Variants in EYA1 observed in about 807,000 individuals in gnomAD.
EYA1 encodes the protein protein phosphatase EYA1.
EYA1 carries 16 observed loss-of-function variants against 82.0 expected under a neutral mutation model. That is an observed-to-expected ratio of 0.20 (90% CI 0.13 to 0.30). EYA1 has a LOEUF of 0.30. Ranked by LOEUF, EYA1 falls within the 10% of genes least tolerant of loss-of-function variation. The probability of loss-of-function intolerance (pLI) is 1.00; values close to 1 mark genes in which losing one functional copy is unlikely to be tolerated. For synonymous variants in EYA1, 261 were observed against 264.4 expected (o/e 0.99, Z 0.12); for missense variants, 633 against 730.7 (o/e 0.87, Z 1.54).
rs1814255326 is a variant in EYA1, at chr8:71,531,296, A to T, written c.33+4448T>A. The T allele has an allele frequency of 2.6e-5, 4 of 152,246 alleles. No individual in the cohort carries two copies. The South Asian group carries it at 8.3e-4, about 31-fold the overall frequency. 9.4% of individuals were successfully genotyped at this position (152,246 alleles called of 1,614,324 possible). ...TGTGATTTTAAATCAGAGAAGGCAAATATTATCATATCTGTTTTATAGCAG... is the reference window on the plus strand; with the variant it reads ...TGTGATTTTAAATCAGAGAAGGCAATTATTATCATATCTGTTTTATAGCAG... On this transcript the variant is annotated intron_variant, in intron 2 of 18. Transcript: ENST00000643681.
At chr8:71,438,500 C>T (rs964717980) in intron 2 of EYA1, among the ~76,000 whole-genome samples, 2 of 152,024 alleles carry the variant, frequency 1.3e-5, no homozygotes, top group African/African-American at 4.8e-5. Context: ...CATAAGATTT[C>T]GTAGAAGAAT....
chr8:71,257,165 T>C (rs1311442061), intron 11 of EYA1, among the ~76,000 whole-genome samples: 1 of 152,168 alleles, frequency 6.6e-6, no homozygotes, highest in East Asian at 1.9e-4. Context: ...CTCAACTCTA[T>C]ACAAATTAAA....
At position 71,423,751 on chromosome 8, in the gene EYA1, T is replaced by G. The variant is rs187760435; in HGVS notation, c.34-67240A>C. Among the ~76,000 whole-genome samples the G allele has an allele frequency of 2.9e-3, 438 of 152,336 alleles. 2 individuals are homozygous for G. The highest frequency in any genetic ancestry group is 0.01 in the African/African-American group (419 of 41,592). On this transcript the variant is annotated intron_variant, in intron 2 of 18. Coordinates refer to the EYA1 transcript ENST00000643681. ...GAACTTTTTCTCATGTACCCACATT[T>G]TTTTCTTAAAATAGTTAACAGCAAA...
At chr8:71,428,539 T>C (rs1805401034) in intron 2 of EYA1, among the ~76,000 whole-genome samples, 1 of 152,098 alleles carries the variant, frequency 6.6e-6, no homozygotes, top group Non-Finnish European at 1.5e-5. Context: ...CTAGGGGAAA[T>C]ACTCTGTACA....
At chr8:71,506,622 T>C (rs774891683) in intron 2 of EYA1, among the ~76,000 whole-genome samples, 4 of 152,178 alleles carry the variant, frequency 2.6e-5, no homozygotes, top group Non-Finnish European at 4.4e-5. Flanking sequence ...ATCCTAGAGC[T>C]TTCAGATAGA....
chr8:71,270,247 T>C (rs965174752), intron 10 of EYA1: 4 of 164,522 alleles, frequency 2.4e-5, no homozygotes, highest in South Asian at 1.6e-4. Context: ...ATGAATCTTA[T>C]GTTTTACTCT....
At chr8:71,520,951 G>A (rs1472099630) in intron 2 of EYA1, among the ~76,000 whole-genome samples, 28 of 152,028 alleles carry the variant, frequency 1.8e-4, no homozygotes, top group Admixed American at 1.7e-3. Context: ...GGTTCCCAAA[G>A]TACCATGAAT....
chr8:71,264,494 G>A (rs2128937489), intron 11 of EYA1, among the ~76,000 whole-genome samples: 1 of 152,160 alleles, frequency 6.6e-6, no homozygotes, highest in East Asian at 1.9e-4. Flanking sequence ...AAGTTCAATA[G>A]GTGACACATG....
intron 2 of EYA1, among the ~76,000 whole-genome samples, chr8:71,458,663 G>T (rs1354098754): frequency 1.3e-5 from 2 of 152,170 alleles, no homozygotes; most frequent in African/African-American, 2.4e-5. Flanking sequence ...GATGTTAAAA[G>T]GGACTCCAAG....
chr8:71,362,358 T>A, upstream of EYA1: 1 of 256,162 alleles, frequency 3.9e-6, no homozygotes, highest in Non-Finnish European at 6.1e-6. Flanking sequence ...ATAACTTCTC[T>A]GAGACGTGGT....
At chr8:71,299,366 A>G (rs547866029) in intron 8 of EYA1, 133 bp from the exon 9 acceptor site, 1 of 875,936 alleles carries the variant, frequency 1.1e-6, no homozygotes, top group East Asian at 2.6e-5. Flanking sequence ...ACAAGTACAC[A>G]TTAACTAAAG....
chr8:71,526,153 C>T (rs911235816), intron 2 of EYA1, among the ~76,000 whole-genome samples: 2 of 151,552 alleles, frequency 1.3e-5, no homozygotes, highest in African/African-American at 4.8e-5. Context: ...TGAATGTATC[C>T]AGTCTACAAA....
Position 71,301,970 on chromosome 8 carries a change from C to A in EYA1, c.557-2250G>T, listed in dbSNP as rs150012498. On this transcript the variant is annotated intron_variant, in intron 7 of 17. Coordinates refer to ENST00000340726, the MANE Select transcript of EYA1 (RefSeq NM_000503.6). ...TATGACTCATTCTTTACGTGCATAT[C>A]AGTGAACAATTTATTATTGATATTA... 4.1e-3 allele frequency among the ~76,000 whole-genome samples: 617 copies of A among 151,928 alleles called. 4 individuals are homozygous for A. The highest frequency in any genetic ancestry group is 7.1e-3 in the Non-Finnish European group (486 of 67,984).
intron 1 of EYA1, among the ~76,000 whole-genome samples, chr8:71,359,840 T>A (rs1827215782): frequency 2.0e-5 from 3 of 152,176 alleles, no homozygotes; most frequent in Admixed American, 2.0e-4. Flanking sequence ...CAGATCAACC[T>A]GAGTACTCCC....
chr8:71,272,887 G>A (rs202219918), intron 9 of EYA1, among the ~76,000 whole-genome samples: 4 of 127,300 alleles, frequency 3.1e-5, no homozygotes, highest in Non-Finnish European at 6.9e-5. Flanking sequence ...TTTTCCCTAC[G>A]ATGTTGTTAA....
chr8:71,317,432 C>T (rs1209153907), intron 7 of EYA1, 120 bp downstream of exon 7: 3 of 1,046,218 alleles, frequency 2.9e-6, no homozygotes, highest in East Asian at 2.4e-5. Context: ...AGGTGTCCTG[C>T]CTCTAAGCCC....
chr8:71,377,639 C>T (rs1011013684), intron 2 of EYA1, among the ~76,000 whole-genome samples: 3 of 152,154 alleles, frequency 2.0e-5, no homozygotes, highest in African/African-American at 7.2e-5. Context: ...AGCTCTGTGT[C>T]ATGAAATACA....
At chr8:71,321,697 T>A (rs375528626) in intron 6 of EYA1, 37 bp downstream of exon 6, 1 of 1,610,500 alleles carries the variant, frequency 6.2e-7, no homozygotes, top group Non-Finnish European at 8.5e-7. Flanking sequence ...CGCATGCCCA[T>A]GCGATAACGC....
chr8:71,301,036 T>A (rs1820143588), intron 7 of EYA1, among the ~76,000 whole-genome samples: 1 of 152,198 alleles, frequency 6.6e-6, no homozygotes, highest in Non-Finnish European at 1.5e-5. Flanking sequence ...ATAAAAGCCA[T>A]TTTTTAAAAA....
Sources: allele counts gnomAD v4.1 joint callset (sites outside exome capture counted in the v4.1 genomes callset), GRCh38; gene constraint gnomAD v4.1.1; transcripts MANE v1.5; gene names NCBI Gene and HGNC (gene_info 2026-07-23, HGNC 2026-07-21).